The following SPATA9 variants were observed in gnomAD, a reference collection of about 807,000 sequenced individuals.
The protein encoded by SPATA9 is spermatogenesis associated 9.
Under a neutral mutation model 25.5 loss-of-function variants are expected in SPATA9, and 27 were observed. The ratio of observed to expected loss-of-function variants is 1.06; its 90% CI spans 0.78 to 1.46. The LOEUF (loss-of-function observed/expected upper bound fraction) is 1.46, where lower values mean the gene tolerates loss of function less well. SPATA9 is among the 40% of genes most tolerant of loss of function. The probability of loss-of-function intolerance (pLI) is 0.00; values close to 1 mark genes in which losing one functional copy is unlikely to be tolerated. For missense variants in SPATA9, 282 were observed against 297.5 expected (o/e 0.95, Z 0.38); for synonymous variants, 102 against 105.7 (o/e 0.97, Z 0.21).
chr5:95,709,660 G>C, the SPATA9 span, among the ~76,000 whole-genome samples: 1 of 152,160 alleles, frequency 6.6e-6, no homozygotes, highest in Non-Finnish European at 1.5e-5. Flanking sequence ...CTTAACTACC[G>C]TATTGGCAGT....
At chr5:95,712,922 T>C in the SPATA9 span, among the ~76,000 whole-genome samples, 3 of 152,158 alleles carry the variant, frequency 2.0e-5, no homozygotes, top group Admixed American at 2.0e-4. Flanking sequence ...ATGTTTAAAG[T>C]TTTCTTCATA....
chr5:95,656,304 TC>T (rs761014466), downstream of SPATA9: 1 of 1,601,350 alleles, frequency 6.2e-7, no homozygotes, highest in Non-Finnish European at 8.5e-7. Flanking sequence ...TAAGAGTTCT[TC>T]CTGATAAAAA....
upstream of SPATA9, among the ~76,000 whole-genome samples, chr5:95,700,291 C>T (rs138361785): frequency 6.6e-5 from 10 of 152,004 alleles, no homozygotes; most frequent in East Asian, 1.7e-3. Flanking sequence ...CCAATAACTA[C>T]ATTTAAAAAA....
At chr5:95,688,848 T>A (rs1193961335) in intron 1 of SPATA9, among the ~76,000 whole-genome samples, 1 of 152,150 alleles carries the variant, frequency 6.6e-6, no homozygotes, top group Non-Finnish European at 1.5e-5. Context: ...AAAACTGCTC[T>A]AGTACTCCCT....
intron 3 of SPATA9, among the ~76,000 whole-genome samples, chr5:95,667,781 T>C (rs755720084): frequency 6.6e-6 from 1 of 152,164 alleles, no homozygotes; most frequent in Non-Finnish European, 1.5e-5. Context: ...TGTTGAAAGG[T>C]AATCCCAAAT....
chr5:95,695,004 T>C (rs904575144), intron 1 of SPATA9, among the ~76,000 whole-genome samples: 3 of 152,184 alleles, frequency 2.0e-5, no homozygotes, highest in African/African-American at 4.8e-5. Context: ...ATAGGCATCA[T>C]TTAAAAAAAT....
chr5:95,720,964 G>C, the SPATA9 span, among the ~76,000 whole-genome samples: 1 of 152,142 alleles, frequency 6.6e-6, no homozygotes, highest in Non-Finnish European at 1.5e-5. Context: ...TTCTTCTTAT[G>C]ATTTGTCAGT....
chr5:95,704,039 C>A, the SPATA9 span, among the ~76,000 whole-genome samples: 1 of 151,832 alleles, frequency 6.6e-6, no homozygotes, highest in Non-Finnish European at 1.5e-5. Context: ...AGAAGACTGT[C>A]TCCCTCACAG....
chr5:95,731,709 A>G, the SPATA9 span: 4 of 1,613,252 alleles, frequency 2.5e-6, no homozygotes, highest in Non-Finnish European at 3.4e-6. Flanking sequence ...CCGTCCTGCC[A>G]TTGTCTCTCT....
chr5:95,670,150 C>T (rs954320824), intron 3 of SPATA9, among the ~76,000 whole-genome samples: 6 of 152,066 alleles, frequency 3.9e-5, no homozygotes, highest in African/African-American at 1.4e-4. Context: ...TAAGCATGCT[C>T]TAGAGCTGAA....
upstream of SPATA9, among the ~76,000 whole-genome samples, chr5:95,701,871 C>T (rs1224801394): frequency 6.6e-6 from 1 of 152,134 alleles, no homozygotes; most frequent in East Asian, 1.9e-4. Flanking sequence ...TGGCAATACA[C>T]AGCAATCATA....
intron 3 of SPATA9, chr5:95,674,699 T>C: frequency 2.2e-6 from 1 of 452,318 alleles, no homozygotes; most frequent in South Asian, 1.6e-5. Context: ...TATCCAGCCA[T>C]GTCGGGAATC....
At chr5:95,715,135 C>T in the SPATA9 span, among the ~76,000 whole-genome samples, 1,464 of 152,098 alleles carry the variant, frequency 9.6e-3, 13 homozygotes, top group Non-Finnish European at 0.016. Context: ...ACCACCCTGG[C>T]CAACATGGTG....
chr5:95,668,263 T>G (rs140775837), intron 3 of SPATA9, among the ~76,000 whole-genome samples: 259 of 152,334 alleles, frequency 1.7e-3, no homozygotes, highest in African/African-American at 5.9e-3. Context: ...ACTTGATATA[T>G]GGTATGCTTC....
chr5:95,719,387 CATGGGTAAACCTAG>C, the SPATA9 span, among the ~76,000 whole-genome samples: 4 of 152,146 alleles, frequency 2.6e-5, no homozygotes, highest in Admixed American at 6.5e-5. Flanking sequence ...GGAAGCAAAG[CATGGGTAAACCTAG>C]ATGGGTAAAC....
chr5:95,722,548 T>C, the SPATA9 span, among the ~76,000 whole-genome samples: 1 of 152,296 alleles, frequency 6.6e-6, no homozygotes, highest in Non-Finnish European at 1.5e-5. Flanking sequence ...TGCAGTTCAG[T>C]GGCGTGACCT....
upstream of SPATA9, among the ~76,000 whole-genome samples, chr5:95,702,997 C>T (rs1049519324): frequency 6.6e-6 from 1 of 152,162 alleles, no homozygotes; most frequent in Non-Finnish European, 1.5e-5. Context: ...TATAAAGTAC[C>T]ATTTGCATTA....
chr5:95,691,865 C>A (rs1753903128), intron 1 of SPATA9, among the ~76,000 whole-genome samples: 1 of 152,028 alleles, frequency 6.6e-6, no homozygotes. Context: ...TAGTTTCTTT[C>A]TATGCCAATT....
chr5:95,674,851 A>T, intron 3 of SPATA9: 1 of 454,626 alleles, frequency 2.2e-6, no homozygotes, highest in Non-Finnish European at 4.4e-6. Flanking sequence ...CAAAATTCTG[A>T]ATCTTTTGTA....
Sources: allele counts gnomAD v4.1 joint callset (sites outside exome capture counted in the v4.1 genomes callset), GRCh38; gene constraint gnomAD v4.1.1; transcripts MANE v1.5; gene names NCBI Gene and HGNC (gene_info 2026-07-23, HGNC 2026-07-21).